SNAP29: variants seen among roughly 807,000 people sequenced by gnomAD.
The protein encoded by SNAP29 is synaptosome associated protein 29, also known as synaptosomal-associated protein 29.
In SNAP29, 13 loss-of-function variants were observed where a neutral mutation model predicts 27.9. The ratio of observed to expected loss-of-function variants is 0.47; its 90% confidence interval spans 0.30 to 0.74. The LOEUF is 0.74. SNAP29 is among the 30% of genes least tolerant of loss of function. SNAP29 has a pLI of 0.06. For missense variants in SNAP29, 368 were observed against 336.5 expected (o/e 1.09, Z -0.73); for synonymous variants, 119 against 127.1 (o/e 0.94, Z 0.43).
chr22:20,882,306 G>A (rs983465420), intron 3 of SNAP29, among the ~76,000 whole-genome samples: 1 of 151,690 alleles, frequency 6.6e-6, no homozygotes, highest in Non-Finnish European at 1.5e-5. Flanking sequence ...CATGGACAAG[G>A]TGTGCAAGAC....
At chr22:20,865,745 A>G (rs1928443298) in intron 1 of SNAP29, among the ~76,000 whole-genome samples, 1 of 152,236 alleles carries the variant, frequency 6.6e-6, no homozygotes, top group Non-Finnish European at 1.5e-5. Context: ...AAAAAAGTGC[A>G]TAGGGCAGCG....
chr22:20,884,276 G>A (rs1316005155), intron 4 of SNAP29, among the ~76,000 whole-genome samples: 4 of 151,544 alleles, frequency 2.6e-5, no homozygotes, highest in Non-Finnish European at 4.4e-5. Context: ...AGGTTGCAGT[G>A]AGCCAAGATC....
In SNAP29 at chr22:20,890,280, A is replaced by G. The variant is rs552092485; in HGVS notation, c.*2444A>G. On this transcript the variant is annotated 3_prime_UTR_variant, in exon 5 of 5. Coordinates refer to ENST00000215730, the MANE Select transcript of SNAP29 (RefSeq NM_004782.4). ...TGATTGGGATCGACAAAAAAATGCT[A>G]CCCTCTAGACTAGACACATTTCATG... 1 of 398,506 alleles carries G rather than the reference A, an allele frequency of 2.5e-6. No individual in the cohort carries two copies. Among genetic ancestry groups the G allele is most frequent in the East Asian group, 3.6e-5 (1 of 28,072 alleles). 24.7% of individuals were successfully genotyped at this position (398,506 alleles called of 1,614,324 possible).
chr22:20,879,036 A>C (rs569061645), intron 2 of SNAP29, among the ~76,000 whole-genome samples: 1 of 152,184 alleles, frequency 6.6e-6, no homozygotes, highest in Non-Finnish European at 1.5e-5. Context: ...GGCCGGGTGC[A>C]GTGGCTCACG....
chr22:20,881,545 A>G (rs1928891725), intron 3 of SNAP29, among the ~76,000 whole-genome samples: 1 of 151,226 alleles, frequency 6.6e-6, no homozygotes, highest in African/African-American at 2.4e-5. Context: ...TGTCTCTACT[A>G]AATACAAAAA....
At chr22:20,861,844 C>T (rs770875273) in intron 1 of SNAP29, among the ~76,000 whole-genome samples, 2 of 151,998 alleles carry the variant, frequency 1.3e-5, no homozygotes, top group Non-Finnish European at 2.9e-5. Context: ...TGTGTTGGTC[C>T]GGCTGGTCTT....
At chr22:20,867,108 CTT>C (rs1228769697) in intron 1 of SNAP29, among the ~76,000 whole-genome samples, 2 of 152,166 alleles carry the variant, frequency 1.3e-5, no homozygotes, top group African/African-American at 4.8e-5. Context: ...AGGACAGAGA[CTT>C]GGGATTGTTT....
intron 3 of SNAP29, 72 bp downstream of exon 3, chr22:20,881,206 T>TG (rs1601653724): frequency 3.8e-6 from 4 of 1,043,668 alleles, no homozygotes; most frequent in East Asian, 2.5e-5. Flanking sequence ...CGTTGGTCCT[T>TG]GGGGGGCAGT....
chr22:20,873,796 A>C (rs1928653197), intron 2 of SNAP29, among the ~76,000 whole-genome samples: 1 of 149,520 alleles, frequency 6.7e-6, no homozygotes, highest in South Asian at 2.1e-4. Flanking sequence ...GGTGAAACCC[A>C]GTGTCTCCTA....
In SNAP29 at chr22:20,859,215, C is replaced by T. The variant is rs373006128; in HGVS notation, c.105C>T (p.Pro35=). The T allele has an allele frequency of 6.9e-6, 11 of 1,603,414 alleles. No homozygotes were observed. In the African/African-American group the frequency reaches 8.0e-5, roughly 12 times the overall value. ...WRDARDLPDG[P]DAPADRQQYL... ...ACGCCCGAGACCTCCCCGACGGGCC[C>T]GACGCGCCCGCGGACAGGCAGCAGT... Residue 35 remains proline, a synonymous_variant, in exon 1 of 5, where the codon CCC becomes CCT. Transcript: ENST00000215730.
intron 2 of SNAP29, among the ~76,000 whole-genome samples, chr22:20,874,416 T>TG (rs1189565654): frequency 6.8e-6 from 1 of 147,310 alleles, no homozygotes; most frequent in Admixed American, 6.8e-5. Flanking sequence ...CCGGACATGG[T>TG]GGTACGTGCT....
intron 3 of SNAP29, among the ~76,000 whole-genome samples, chr22:20,881,726 G>A (rs1928897129): frequency 6.6e-6 from 1 of 152,112 alleles, no homozygotes; most frequent in African/African-American, 2.4e-5. Flanking sequence ...AAATGAGCGT[G>A]CCCATCATTG....
chr22:20,865,341 T>G (rs1928432351), intron 1 of SNAP29, among the ~76,000 whole-genome samples: 1 of 151,666 alleles, frequency 6.6e-6, no homozygotes, highest in Non-Finnish European at 1.5e-5. Flanking sequence ...GGTGACAAAG[T>G]GAGACCCTGT....
At chr22:20,866,675 C>T (rs1320729011) in intron 1 of SNAP29, among the ~76,000 whole-genome samples, 3 of 152,114 alleles carry the variant, frequency 2.0e-5, no homozygotes, top group South Asian at 2.1e-4. Context: ...TGGGTAGCCC[C>T]GCTCACTCCC....
At chr22:20,863,743 A>G in intron 1 of SNAP29, among the ~76,000 whole-genome samples, 1 of 152,170 alleles carries the variant, frequency 6.6e-6, no homozygotes, top group Non-Finnish European at 1.5e-5. Context: ...AACATACAAA[A>G]GGGTGTAGTC....
At position 20,888,266 on chromosome 22, in the gene SNAP29, T is replaced by G. The variant is rs1234313775; in HGVS notation, c.*430T>G. 3.4e-6 allele frequency: 1 copy of G among 295,684 alleles called. No individual in the cohort carries two copies. The highest frequency in any genetic ancestry group is 2.2e-5 in the African/African-American group (1 of 44,650). The allele number at this position is 295,684 out of a possible 1,614,324, so 18.3% of individuals were successfully genotyped here. ...TAAGGGGGCCTGTGAACCAGTCGTT[T>G]GGTGGAGGAGGGTCCTTCCCACACC... On this transcript the variant is annotated 3_prime_UTR_variant, in exon 5 of 5. Coordinates refer to ENST00000215730, the MANE Select transcript of SNAP29 (RefSeq NM_004782.4).
chr22:20,870,290 G>T (rs748057467), intron 1 of SNAP29, 47 bp from the exon 2 acceptor site: 1 of 1,579,348 alleles, frequency 6.3e-7, no homozygotes, highest in Non-Finnish European at 8.7e-7. Flanking sequence ...CTGCCCTGGG[G>T]GAGAGTCACA....
intron 3 of SNAP29, among the ~76,000 whole-genome samples, chr22:20,882,923 A>G (rs939681613): frequency 2.0e-4 from 30 of 152,170 alleles, no homozygotes; most frequent in African/African-American, 6.3e-4. Context: ...CAAGCCAAGA[A>G]AGATAATTTT....
intron 2 of SNAP29, among the ~76,000 whole-genome samples, chr22:20,879,234 T>G (rs1928826789): frequency 6.6e-6 from 1 of 150,522 alleles, no homozygotes; most frequent in Non-Finnish European, 1.5e-5. Context: ...GTAAACCTGG[T>G]CAGCAGAGGT....
Sources: gnomAD v4.1 joint callset for allele counts (sites outside exome capture counted in the v4.1 genomes callset) on GRCh38, gnomAD v4.1.1 for gene constraint, MANE v1.5 for transcripts, NCBI Gene and HGNC (gene_info 2026-07-23, HGNC 2026-07-21) for gene names.